Variants in TLL1 observed in about 807,000 individuals in gnomAD.
TLL1 encodes tolloid-like protein 1.
TLL1 carries 49 observed loss-of-function variants against 128.2 expected under a neutral mutation model. That is an observed-to-expected ratio of 0.38 (90% CI 0.30 to 0.48). The LOEUF (loss-of-function observed/expected upper bound fraction) is 0.48. Among genes scored for constraint, TLL1 ranks in the 20% least tolerant of loss-of-function variants. The pLI is 0.96. For synonymous variants in TLL1, 454 were observed against 418.8 expected (o/e 1.08, Z -1.03); for missense variants, 1,123 against 1,242.0 (o/e 0.90, Z 1.44).
intron 1 of TLL1, among the ~76,000 whole-genome samples, chr4:165,974,914 G>C (rs1735804402): frequency 6.6e-6 from 1 of 152,166 alleles, no homozygotes; most frequent in African/African-American, 2.4e-5. Context: ...ATTATGTCGG[G>C]AGTTCTCAGG....
At chr4:165,971,503 T>C (rs571299568) in intron 1 of TLL1, among the ~76,000 whole-genome samples, 1 of 152,296 alleles carries the variant, frequency 6.6e-6, no homozygotes, top group East Asian at 1.9e-4. Flanking sequence ...GCTGATTTTT[T>C]TGCAAAAAGA....
chr4:165,986,971 A>C (rs1325736319), intron 1 of TLL1, among the ~76,000 whole-genome samples: 4 of 152,154 alleles, frequency 2.6e-5, no homozygotes, highest in Non-Finnish European at 5.9e-5. Context: ...CTTGCAGAAA[A>C]AATTAATACT....
chr4:165,903,941 C>T (rs1732131564), intron 1 of TLL1, among the ~76,000 whole-genome samples: 1 of 151,764 alleles, frequency 6.6e-6, no homozygotes. Context: ...AAATAAAATA[C>T]ATTTACCACC....
chr4:165,911,818 A>G (rs1579476316), intron 1 of TLL1, among the ~76,000 whole-genome samples: 1 of 152,126 alleles, frequency 6.6e-6, no homozygotes, highest in Non-Finnish European at 1.5e-5. Flanking sequence ...GGTCTGTTTA[A>G]TGTGACAGTA....
In TLL1 at chr4:166,043,471, G is replaced by T. The variant is rs552416268; in HGVS notation, c.1524+52G>T. 4.1e-5 allele frequency: 66 copies of T among 1,610,388 alleles called. No homozygotes were observed. The East Asian group carries it at 1.5e-3, about 36-fold the overall frequency. On this transcript the variant is annotated intron_variant, in intron 12 of 20. Coordinates refer to ENST00000061240, the MANE Select transcript of TLL1 (RefSeq NM_012464.5). Reference sequence around the variant, plus strand: ...GCAAATATTCTCCATAAACGACAATGGCATTTAAGAGAATCCTCATTAAAT... The same window carrying T: ...GCAAATATTCTCCATAAACGACAATTGCATTTAAGAGAATCCTCATTAAAT...
chr4:165,974,836 G>A (rs1351813699), intron 1 of TLL1, among the ~76,000 whole-genome samples: 3 of 152,210 alleles, frequency 2.0e-5, no homozygotes, highest in African/African-American at 7.2e-5. Flanking sequence ...ACCTGCTTAT[G>A]TGGACCAGTA....
chr4:166,021,756 A>G (rs953465331), intron 8 of TLL1, among the ~76,000 whole-genome samples: 1 of 152,094 alleles, frequency 6.6e-6, no homozygotes, highest in Middle Eastern at 3.4e-3. Flanking sequence ...AGTATCTCAC[A>G]TTCCTGTAGT....
chr4:166,001,810 G>T (rs953789062), intron 5 of TLL1, among the ~76,000 whole-genome samples: 10 of 140,394 alleles, frequency 7.1e-5, no homozygotes, highest in African/African-American at 2.6e-4. Context: ...AAAAAAAAAA[G>T]AAAAATGTCA....
In TLL1 at chr4:166,016,849, A is replaced by G. The variant is rs1029862226; in HGVS notation, c.1042+2289A>G. On this transcript the variant is annotated intron_variant, in intron 8 of 20. Transcript: ENST00000061240. ...TAAATATACATATATATAGATATCTATTTCTCTCTGTATATATATCTTTTA... is the reference window on the plus strand; with the variant it reads ...TAAATATACATATATATAGATATCTGTTTCTCTCTGTATATATATCTTTTA... Among the ~76,000 whole-genome samples the G allele has an allele frequency of 2.0e-5, 3 of 151,742 alleles. No homozygotes were observed. In the South Asian group the frequency reaches 6.2e-4, roughly 31 times the overall value.
At chr4:165,983,268 T>A (rs907900851) in intron 1 of TLL1, among the ~76,000 whole-genome samples, 12 of 151,876 alleles carry the variant, frequency 7.9e-5, no homozygotes. Context: ...TAAGTGCAGA[T>A]TGATATGATA....
intron 1 of TLL1, among the ~76,000 whole-genome samples, chr4:165,960,866 C>T (rs1451136113): frequency 6.6e-6 from 1 of 151,850 alleles, no homozygotes; most frequent in Non-Finnish European, 1.5e-5. Flanking sequence ...CTGAACAGGC[C>T]ATACTGAACA....
chr4:166,062,193 A>T (rs4388044), intron 15 of TLL1, among the ~76,000 whole-genome samples: 82 of 151,972 alleles, frequency 5.4e-4, no homozygotes, highest in African/African-American at 1.8e-3. Context: ...ATTGTCGTGG[A>T]GATGTGGGTT....
chr4:165,902,169 G>T (rs1732025910), intron 1 of TLL1, among the ~76,000 whole-genome samples: 1 of 152,140 alleles, frequency 6.6e-6, no homozygotes, highest in Non-Finnish European at 1.5e-5. Flanking sequence ...GTGGATTTTA[G>T]CTTGCTGTGC....
intron 12 of TLL1, among the ~76,000 whole-genome samples, chr4:166,045,104 A>G (rs961366913): frequency 6.6e-5 from 10 of 152,188 alleles, no homozygotes; most frequent in Non-Finnish European, 1.2e-4. Context: ...TGATGACTAC[A>G]GTTTATGACC....
chr4:165,948,823 A>C (rs1029729900), intron 1 of TLL1, among the ~76,000 whole-genome samples: 1 of 152,088 alleles, frequency 6.6e-6, no homozygotes, highest in Non-Finnish European at 1.5e-5. Context: ...TCTTGGAAAC[A>C]CTGAAAGAAG....
At chr4:166,051,013 C>T (rs1417571593) in intron 12 of TLL1, among the ~76,000 whole-genome samples, 1 of 152,102 alleles carries the variant, frequency 6.6e-6, no homozygotes, top group Non-Finnish European at 1.5e-5. Flanking sequence ...ATCACTTTCC[C>T]TATATTCTCT....
intron 1 of TLL1, among the ~76,000 whole-genome samples, chr4:165,955,888 G>A (rs1734762985): frequency 1.3e-5 from 2 of 152,078 alleles, no homozygotes; most frequent in South Asian, 4.1e-4. Flanking sequence ...GTGTTGGCCA[G>A]CTGAGAAATA....
chr4:166,058,953 G>C (rs370537520), intron 14 of TLL1, among the ~76,000 whole-genome samples: 2 of 151,930 alleles, frequency 1.3e-5, no homozygotes, highest in East Asian at 3.9e-4. Context: ...TTCCTGTTTG[G>C]CTTCCAGAAG....
At chr4:166,089,179 C>G (rs1264878787) in intron 18 of TLL1, among the ~76,000 whole-genome samples, 1 of 152,088 alleles carries the variant, frequency 6.6e-6, no homozygotes, top group African/African-American at 2.4e-5. Flanking sequence ...TGTTTTTCCT[C>G]TTGAAATAAC....
Sources: gnomAD v4.1 joint callset for allele counts (sites outside exome capture counted in the v4.1 genomes callset) on GRCh38, gnomAD v4.1.1 for gene constraint, MANE v1.5 for transcripts, NCBI Gene and HGNC (gene_info 2026-07-23, HGNC 2026-07-21) for gene names.